PCDH11X: variants seen among roughly 807,000 people sequenced by gnomAD.
PCDH11X encodes the protein protocadherin 11 X-linked.
A neutral mutation model predicts 53.3 loss-of-function variants in PCDH11X; 18 were observed. The ratio of observed to expected loss-of-function variants is 0.34; its 90% CI spans 0.23 to 0.50. The LOEUF is 0.50. Among genes scored for constraint, PCDH11X ranks in the 20% least tolerant of loss-of-function variants. The pLI, the probability that PCDH11X is intolerant of heterozygous loss-of-function variation, is 0.98. For missense variants in PCDH11X, 570 were observed against 1,032.4 expected (o/e 0.55, Z 6.14); for synonymous variants, 279 against 393.3 (o/e 0.71, Z 3.44).
chrX:92,316,904 T>C (rs1326759416), intron 8 of PCDH11X, among the ~76,000 whole-genome samples: 5 of 110,628 alleles, frequency 4.5e-5, no homozygotes, highest in Admixed American at 9.7e-5. Context: ...CAATGCATGA[T>C]AGACATTTAT....
chrX:92,576,636 A>T (rs1320628616), intron 10 of PCDH11X, among the ~76,000 whole-genome samples: 1 of 110,101 alleles, frequency 9.1e-6, no homozygotes, highest in Admixed American at 9.8e-5. Flanking sequence ...GATTATTTCA[A>T]GCTGATAATA....
intron 9 of PCDH11X, among the ~76,000 whole-genome samples, chrX:92,454,412 A>G (rs1268141912): frequency 4.5e-5 from 5 of 110,159 alleles, no homozygotes; most frequent in Non-Finnish European, 9.5e-5. Context: ...ATAATCAATA[A>G]TATGTTTGGT....
intron 10 of PCDH11X, among the ~76,000 whole-genome samples, chrX:92,580,542 G>A (rs1397902931): frequency 9.1e-6 from 1 of 110,245 alleles, no homozygotes; most frequent in Non-Finnish European, 1.9e-5. Context: ...ACTGTGCGGT[G>A]CTGTGGAGAA....
intron 8 of PCDH11X, among the ~76,000 whole-genome samples, chrX:92,383,962 T>G (rs138362713): frequency 0.013 from 1,511 of 112,007 alleles, 26 homozygotes; most frequent in African/African-American, 0.047. Flanking sequence ...AGTGTTCCTA[T>G]TTTTCCACAT....
intron 7 of PCDH11X, among the ~76,000 whole-genome samples, chrX:92,213,922 C>G (rs1050812283): frequency 1.8e-5 from 2 of 111,889 alleles, no homozygotes; most frequent in Non-Finnish European, 3.8e-5. Context: ...GGTGAATATA[C>G]TTCTATCATA....
intron 9 of PCDH11X, among the ~76,000 whole-genome samples, chrX:92,448,749 A>T (rs1318504732): frequency 1.8e-5 from 2 of 109,240 alleles, no homozygotes; most frequent in Non-Finnish European, 3.8e-5. Flanking sequence ...AGCTTAATTA[A>T]CTCTTTACAA....
At chrX:92,553,428 C>T (rs951527327) in intron 10 of PCDH11X, among the ~76,000 whole-genome samples, 7 of 110,161 alleles carry the variant, frequency 6.4e-5, no homozygotes, top group Non-Finnish European at 1.1e-4. Context: ...GTAGCGTCTC[C>T]TTTAGCATTT....
chrX:92,089,375 T>C (rs1387416190), intron 6 of PCDH11X, among the ~76,000 whole-genome samples: 1 of 111,840 alleles, frequency 8.9e-6, no homozygotes, highest in Non-Finnish European at 1.9e-5. Context: ...AATTATATGC[T>C]ATTAGTTTCA....
Position 92,048,738 on chromosome X carries a change from G to A in PCDH11X, c.3034-152637G>A, listed in dbSNP as rs929359164. On this transcript the variant is annotated intron_variant, in intron 6 of 10. Transcript: ENST00000682573. ...TTGTTGATGAAAAGACTTAAACTCC[G>A]TATTTGAAGAGATTTATTCTGAGCC... Among the ~76,000 whole-genome samples the A allele has an allele frequency of 2.7e-5, 3 of 111,942 alleles. No individual in the cohort carries two copies. The Admixed American group carries it at 2.9e-4, about 11-fold the overall frequency.
intron 6 of PCDH11X, among the ~76,000 whole-genome samples, chrX:92,107,399 T>G (rs2064407439): frequency 8.9e-6 from 1 of 112,161 alleles, no homozygotes; most frequent in Non-Finnish European, 1.9e-5. Context: ...CTTAGGTACT[T>G]TTGGGTTCAA....
At position 91,805,651 on chromosome X, in the gene PCDH11X, A is replaced by G. The variant is rs188022257; in HGVS notation, c.-378-3815A>G. 5.6e-4 allele frequency among the ~76,000 whole-genome samples: 51 copies of G among 91,325 alleles called. No homozygotes were observed. In the East Asian group the frequency reaches 0.016, roughly 28 times the overall value. The allele number at this position is 91,325 out of a possible 115,157, so 79.3% of individuals were successfully genotyped here. A position where few individuals can be genotyped will look rare whatever the true frequency, so the allele number is the denominator to read the frequency against. On this transcript the variant is annotated intron_variant, in intron 1 of 10. Transcript: ENST00000682573. ...GGGAACATAGTGAGACCCTGTCTCT[A>G]CAAAAAACATTTTTTTTTTTAAATT...
chrX:92,505,161 T>TTG (rs1215323876), intron 10 of PCDH11X, among the ~76,000 whole-genome samples: 3 of 79,913 alleles, frequency 3.8e-5, no homozygotes, highest in Non-Finnish European at 7.9e-5. Context: ...TCTTTTTTTT[T>TTG]TTTTTGTTTT....
chrX:92,419,932 A>T (rs1272222588), intron 9 of PCDH11X, among the ~76,000 whole-genome samples: 1 of 110,395 alleles, frequency 9.1e-6, no homozygotes, highest in Non-Finnish European at 1.9e-5. Context: ...CACCCGCCTC[A>T]GCTTCCCAAA....
At chrX:92,591,693 G>A (rs934247660) in intron 10 of PCDH11X, among the ~76,000 whole-genome samples, 2 of 111,557 alleles carry the variant, frequency 1.8e-5, no homozygotes, top group Admixed American at 9.5e-5. Context: ...GAATATTTGA[G>A]TTTATGTCAG....
At chrX:91,905,475 C>T (rs1941119703) in intron 6 of PCDH11X, among the ~76,000 whole-genome samples, 1 of 111,009 alleles carries the variant, frequency 9.0e-6, no homozygotes, top group Non-Finnish European at 1.9e-5. Context: ...TATTTTTATA[C>T]TATCTCATCA....
chrX:92,400,657 C>CT (rs754569914), intron 9 of PCDH11X, among the ~76,000 whole-genome samples: 3 of 101,821 alleles, frequency 2.9e-5, no homozygotes, highest in Admixed American at 1.1e-4. Context: ...AGTTTTATTT[C>CT]TTTTTTTTAT....
intron 10 of PCDH11X, among the ~76,000 whole-genome samples, chrX:92,476,924 CAAA>C (rs766830064): frequency 4.9e-4 from 9 of 18,453 alleles, no homozygotes; most frequent in Admixed American, 1.2e-3. Context: ...TACTTTCTTC[CAAA>C]AAAAAAAAAA....
At chrX:92,463,013 A>G (rs2148658284) in intron 9 of PCDH11X, among the ~76,000 whole-genome samples, 1 of 110,100 alleles carries the variant, frequency 9.1e-6, no homozygotes, top group Admixed American at 9.7e-5. Context: ...TGTATATCTC[A>G]GAATTATTCT....
intron 8 of PCDH11X, among the ~76,000 whole-genome samples, chrX:92,282,887 T>C (rs749306415): frequency 1.1e-4 from 12 of 111,550 alleles, no homozygotes; most frequent in African/African-American, 2.6e-4. Context: ...TCACAAAATT[T>C]AAAAAGACAC....
Sources: gnomAD v4.1 joint callset for allele counts (sites outside exome capture counted in the v4.1 genomes callset) on GRCh38, gnomAD v4.1.1 for gene constraint, MANE v1.5 for transcripts, NCBI Gene and HGNC (gene_info 2026-07-23, HGNC 2026-07-21) for gene names.